Variants in PDCD6IP observed in about 807,000 individuals in gnomAD.
PDCD6IP encodes programmed cell death 6-interacting protein.
Under a neutral mutation model 103.7 loss-of-function variants are expected in PDCD6IP, and 43 were observed. The ratio of observed to expected loss-of-function variants is 0.41; its 90% CI spans 0.32 to 0.53. The LOEUF is 0.53. PDCD6IP is among the 20% of genes least tolerant of loss of function. The pLI is 0.16. For missense variants in PDCD6IP, 871 were observed against 1,036.7 expected, an observed-to-expected ratio of 0.84 and a Z score of 2.20; for synonymous variants, 354 against 378.7, an observed-to-expected ratio of 0.93 and a Z score of 0.76.
At chr3:33,817,267 G>A in intron 3 of PDCD6IP, among the ~76,000 whole-genome samples, 1 of 152,162 alleles carries the variant, frequency 6.6e-6, no homozygotes, top group East Asian at 1.9e-4. Flanking sequence ...GGCAACTCGA[G>A]TGTGGTATAG....
At chr3:33,847,369 A>G (rs1697614671) in intron 12 of PDCD6IP, among the ~76,000 whole-genome samples, 2 of 152,244 alleles carry the variant, frequency 1.3e-5, no homozygotes, top group African/African-American at 2.4e-5. Flanking sequence ...GAACTTTTAT[A>G]GTCAATACGA....
chr3:33,807,888 G>A (rs1696632687), intron 1 of PDCD6IP, among the ~76,000 whole-genome samples: 1 of 152,192 alleles, frequency 6.6e-6, no homozygotes. Context: ...GCCAGTCCTG[G>A]CTTTATAGCC....
Position 33,825,357 on chromosome 3 carries a change from T to G in PDCD6IP, c.616+17T>G. Reference sequence around the variant, plus strand: ...CCACAAGAGGTAACTCCAATTTATCTTTTTGTTGCATGTGAAAAAAAGTGA... The same window carrying G: ...CCACAAGAGGTAACTCCAATTTATCGTTTTGTTGCATGTGAAAAAAAGTGA... On this transcript the variant is annotated intron_variant, in intron 5 of 17. Transcript: ENST00000307296. 1 of 1,579,138 alleles carries G rather than the reference T, an allele frequency of 6.3e-7. No individual in the cohort carries two copies. The highest frequency in any genetic ancestry group is 8.6e-7 in the Non-Finnish European group (1 of 1,168,298).
At position 33,839,044 on chromosome 3, in the gene PDCD6IP, C is replaced by T. The variant is rs186032985; in HGVS notation, c.1181+717C>T. ...CTGGTCTTGAACTCCTGGGCTCAAG[C>T]GATCCTCCTGCCTTGACCTCCCAAA... On this transcript the variant is annotated intron_variant, in intron 9 of 17. Transcript: ENST00000307296. 1.4e-3 allele frequency among the ~76,000 whole-genome samples: 213 copies of T among 152,096 alleles called. 2 individuals are homozygous for T. The highest frequency in any genetic ancestry group is 5.1e-3 in the African/African-American group (210 of 41,488).
chr3:33,805,248 C>T (rs577096537), intron 1 of PDCD6IP, among the ~76,000 whole-genome samples: 6 of 149,984 alleles, frequency 4.0e-5, no homozygotes, highest in Admixed American at 1.3e-4. Context: ...CGCAGCTGCT[C>T]GGGAGGCTGA....
At chr3:33,836,425 G>A (rs1352876836) in intron 8 of PDCD6IP, among the ~76,000 whole-genome samples, 159 bp downstream of exon 8, 1 of 152,204 alleles carries the variant, frequency 6.6e-6, no homozygotes, top group Non-Finnish European at 1.5e-5. Flanking sequence ...CCAGTGCAAT[G>A]TTAAGATGGA....
Position 33,853,982 on chromosome 3 carries a change from A to C in PDCD6IP, c.1994A>C (p.Glu665Ala). 6.3e-7 allele frequency: 1 copy of C among 1,585,164 alleles called. No homozygotes were observed. The highest frequency in any genetic ancestry group is 8.5e-7 in the Non-Finnish European group (1 of 1,170,772). Residue 665 changes from glutamate (E) to alanine (A), a missense_variant, in exon 14 of 18, where the codon GAA becomes GCA. By Grantham distance (107) the Glu-to-Ala change is moderately radical. This residue lies in a region of PDCD6IP where 266 missense variants were observed against 390.5 expected (regional missense o/e 0.68). Coordinates refer to ENST00000307296, the MANE Select transcript of PDCD6IP (RefSeq NM_013374.6). ...GCTACTGCATATGACAACTTTGTTG[A>C]ACTTGTAGCTAATTTGAAGGAAGGC... is the stretch of plus-strand genomic sequence containing the variant. Reference protein sequence around the residue: ...NLATAYDNFVELVANLKEGTK... With the variant: ...NLATAYDNFVALVANLKEGTK...
intron 12 of PDCD6IP, among the ~76,000 whole-genome samples, chr3:33,846,698 G>A (rs1254983595): frequency 6.6e-5 from 10 of 152,192 alleles, no homozygotes; most frequent in African/African-American, 2.4e-4. Flanking sequence ...AGAGTTATCC[G>A]AGGTACAGAG....
rs1698098434 is a variant in PDCD6IP, at chr3:33,867,770, A to G, written c.*1245A>G. ...GTGGGATCTGTTTTTTGTGAGGTTCATTTCTGAACACATTAGGCATATGAG... is the reference window on the plus strand; with the variant it reads ...GTGGGATCTGTTTTTTGTGAGGTTCGTTTCTGAACACATTAGGCATATGAG... On this transcript the variant is annotated 3_prime_UTR_variant, in exon 18 of 18. Coordinates refer to ENST00000307296, the MANE Select transcript of PDCD6IP (RefSeq NM_013374.6). 1 of 152,210 alleles carries G rather than the reference A, an allele frequency of 6.6e-6. No homozygotes were observed. The highest frequency in any genetic ancestry group is 1.5e-5 in the Non-Finnish European group (1 of 68,026). The allele number at this position is 152,210 out of a possible 1,614,324, so 9.4% of individuals were successfully genotyped here. A position where few individuals can be genotyped will look rare whatever the true frequency, so the allele number is the denominator to read the frequency against.
chr3:33,814,077 A>T (rs1696776845), intron 3 of PDCD6IP, among the ~76,000 whole-genome samples: 1 of 152,120 alleles, frequency 6.6e-6, no homozygotes, highest in Non-Finnish European at 1.5e-5. Flanking sequence ...CTCCAGCAAG[A>T]TAACCTCTCT....
rs934857814 is a variant in PDCD6IP, at chr3:33,798,664, C to A, written c.-65C>A. On this transcript the variant is annotated 5_prime_UTR_variant, in exon 1 of 18. Transcript: ENST00000307296. ...GCCAGTCCGCCAGCCCAGTACCTCT[C>A]TCTCCTCGGCCCTCGTAAGCTGTCC... 1 of 1,400,142 alleles carries A rather than the reference C, an allele frequency of 7.1e-7. No individual in the cohort carries two copies. 86.7% of individuals were successfully genotyped at this position (1,400,142 alleles called of 1,614,324 possible). A position where few individuals can be genotyped will look rare whatever the true frequency, so the allele number is the denominator to read the frequency against.
At chr3:33,864,742 C>G (rs1480893470) in intron 16 of PDCD6IP, among the ~76,000 whole-genome samples, 1 of 152,050 alleles carries the variant, frequency 6.6e-6, no homozygotes, top group Non-Finnish European at 1.5e-5. Context: ...GTCTTTAGGG[C>G]TAGTGTCATG....
Position 33,838,084 on chromosome 3 carries a change from G to A in PDCD6IP, c.1058-120G>A, listed in dbSNP as rs184863367. The A allele has an allele frequency of 2.4e-4, 208 of 880,502 alleles. 2 individuals are homozygous for A. The highest frequency in any genetic ancestry group is 1.3e-3 in the Middle Eastern group (4 of 3,008). The allele number at this position is 880,502 out of a possible 1,614,324, so 54.5% of individuals were successfully genotyped here. On this transcript the variant is annotated intron_variant, in intron 8 of 17. Transcript: ENST00000307296. ...AGTGATTTAGTTTTGATCTTTAAAT[G>A]TCAATAGACAATAAATATTTATAGA... is the stretch of plus-strand genomic sequence containing the variant.
At position 33,828,972 on chromosome 3, in the gene PDCD6IP, G is replaced by A. The variant is rs1281229350; in HGVS notation, c.834+3G>A. 4 of 1,585,174 alleles carry A rather than the reference G, an allele frequency of 2.5e-6. No individual in the cohort carries two copies. Among genetic ancestry groups the A allele is most frequent in the Non-Finnish European group, 3.4e-6 (4 of 1,165,960 alleles). On this transcript the variant is annotated splice_donor_region_variant and intron_variant, in intron 7 of 17. Coordinates refer to ENST00000307296, the MANE Select transcript of PDCD6IP (RefSeq NM_013374.6). The stretch of plus-strand genomic sequence containing the variant: ...GAGAAGAAATTGCAAGGTTACAGGT[G>A]AGTCTCTTGGTAATAAATATTTAAG...
At chr3:33,836,813 C>T (rs919987448) in intron 8 of PDCD6IP, among the ~76,000 whole-genome samples, 13 of 151,642 alleles carry the variant, frequency 8.6e-5, no homozygotes, top group East Asian at 3.9e-4. Context: ...GAGCTGAGAC[C>T]GTGCCACCAT....
intron 7 of PDCD6IP, among the ~76,000 whole-genome samples, chr3:33,833,924 C>G (rs774308824): frequency 6.6e-6 from 1 of 151,386 alleles, no homozygotes; most frequent in African/African-American, 2.4e-5. Context: ...TTCTCTGGCT[C>G]TTAAAGCCTA....
Position 33,813,538 on chromosome 3 carries a change from GT to G in PDCD6IP, c.265-17del. ...ATTCAGGAAGGTTACCTAATTTTCTGTTTTCTTTCATTCTATCCAGATCTGC... is the reference window on the plus strand; with the variant it reads ...ATTCAGGAAGGTTACCTAATTTTCTGTTTCTTTCATTCTATCCAGATCTGC... On this transcript the variant is annotated intron_variant, in intron 2 of 17. Transcript: ENST00000307296. The G allele has an allele frequency of 1.3e-6, 2 of 1,514,862 alleles. No individual in the cohort carries two copies. The highest frequency in any genetic ancestry group is 9.0e-7 in the Non-Finnish European group (1 of 1,107,726). 93.8% of individuals were successfully genotyped at this position (1,514,862 alleles called of 1,614,324 possible).
chr3:33,826,670 A>G, intron 6 of PDCD6IP, 90 bp downstream of exon 6: 3 of 1,537,394 alleles, frequency 2.0e-6, no homozygotes, highest in Non-Finnish European at 2.6e-6. Context: ...AAACTTATAA[A>G]GAAATTTGAA....
chr3:33,866,202 G>A (rs1698060931), intron 17 of PDCD6IP, 149 bp from the exon 18 acceptor site: 4 of 471,560 alleles, frequency 8.5e-6, no homozygotes, highest in African/African-American at 4.0e-5. Flanking sequence ...TCTGACAAGT[G>A]CCTTGAAACA....
Sources: gnomAD v4.1 joint callset for allele counts (sites outside exome capture counted in the v4.1 genomes callset) on GRCh38, gnomAD v4.1.1 for gene constraint, gnomAD v4.1.1 regional missense constraint, MANE v1.5 for transcripts, NCBI Gene and HGNC (gene_info 2026-07-23, HGNC 2026-07-21) for gene names.